SPRR2G: variants seen among roughly 807,000 people sequenced by gnomAD.
SPRR2G encodes the protein small proline rich protein 2G, also known as small proline-rich protein 2G.
A neutral mutation model predicts 0.7 loss-of-function variants in SPRR2G; 1 was observed. The observed-to-expected ratio is 1.49, with a 90% CI of 0.53 to 7.06. SPRR2G has a LOEUF of 7.06. Among genes scored for constraint, SPRR2G ranks in the 30% most tolerant of loss-of-function variants. The pLI, the probability that SPRR2G is intolerant of heterozygous loss-of-function variation, is 0.14. For missense variants in SPRR2G, 96 were observed against 88.5 expected (o/e 1.09, Z -0.34); for synonymous variants, 38 against 33.9 (o/e 1.12, Z -0.42).
the SPRR2G span, among the ~76,000 whole-genome samples, chr1:153,163,803 T>TC: frequency 6.6e-6 from 1 of 152,182 alleles, no homozygotes; most frequent in African/African-American, 2.4e-5. Context: ...AGTTAACATT[T>TC]CGACCTAGAT....
chr1:153,170,797 G>T, the SPRR2G span, among the ~76,000 whole-genome samples: 5 of 152,018 alleles, frequency 3.3e-5, no homozygotes, highest in African/African-American at 9.7e-5. Context: ...ACCTCCCCAC[G>T]GCTGCCCACC....
chr1:153,173,902 G>T, the SPRR2G span, among the ~76,000 whole-genome samples: 2 of 152,166 alleles, frequency 1.3e-5, no homozygotes, highest in South Asian at 2.1e-4. Flanking sequence ...AAATTTTACA[G>T]ATTCTTTCAC....
the SPRR2G span, among the ~76,000 whole-genome samples, chr1:153,156,193 C>T: frequency 6.6e-5 from 10 of 152,282 alleles, no homozygotes; most frequent in East Asian, 1.9e-4. Context: ...ACCTCTGTGA[C>T]TAGAAAAAAA....
chr1:153,194,572 T>C, the SPRR2G span, among the ~76,000 whole-genome samples: 3 of 152,242 alleles, frequency 2.0e-5, no homozygotes, highest in Non-Finnish European at 4.4e-5. Context: ...TTGAATTATG[T>C]GCAGGCTTGT....
chr1:153,183,819 C>T, the SPRR2G span, among the ~76,000 whole-genome samples: 3 of 152,106 alleles, frequency 2.0e-5, no homozygotes, highest in Admixed American at 2.0e-4. Flanking sequence ...AATGGTATTG[C>T]CTAGGTTTTC....
chr1:153,167,111 A>C, the SPRR2G span, among the ~76,000 whole-genome samples: 1 of 152,216 alleles, frequency 6.6e-6, no homozygotes, highest in African/African-American at 2.4e-5. Flanking sequence ...GGATCCTAAT[A>C]ACCTTGGCAT....
chr1:153,170,992 C>T, the SPRR2G span, among the ~76,000 whole-genome samples: 1 of 152,198 alleles, frequency 6.6e-6, no homozygotes, highest in African/African-American at 2.4e-5. Flanking sequence ...CCACGATCAG[C>T]TCATTCCACC....
the SPRR2G span, among the ~76,000 whole-genome samples, chr1:153,162,975 A>C: frequency 6.6e-6 from 1 of 152,192 alleles, no homozygotes; most frequent in Non-Finnish European, 1.5e-5. Flanking sequence ...GACAATAAAG[A>C]ATCTTCTGTC....
the SPRR2G span, among the ~76,000 whole-genome samples, chr1:153,159,810 T>C: frequency 2.0e-5 from 3 of 152,134 alleles, no homozygotes; most frequent in East Asian, 5.8e-4. Flanking sequence ...TTTTAAGCCA[T>C]TAGATCTCAT....
the SPRR2G span, chr1:153,176,508 T>C: frequency 4.6e-5 from 7 of 152,192 alleles, no homozygotes; most frequent in South Asian, 2.1e-4. Context: ...CCCAACAATT[T>C]TGATTCACTT....
chr1:153,173,323 T>C, the SPRR2G span, among the ~76,000 whole-genome samples: 3 of 152,134 alleles, frequency 2.0e-5, no homozygotes, highest in African/African-American at 4.8e-5. Context: ...TCAGAGCCTG[T>C]GGTTTGGACA....
the SPRR2G span, among the ~76,000 whole-genome samples, chr1:153,185,415 G>T: frequency 6.6e-6 from 1 of 151,664 alleles, no homozygotes; most frequent in African/African-American, 2.4e-5. Flanking sequence ...TCTACTCAGG[G>T]ATTCGACTTC....
the SPRR2G span, among the ~76,000 whole-genome samples, chr1:153,197,832 T>G: frequency 2.0e-5 from 3 of 152,298 alleles, no homozygotes; most frequent in South Asian, 6.2e-4. Context: ...ATACTCCAGT[T>G]AGAGAGAAAA....
At chr1:153,157,319 AGG>A in the SPRR2G span, among the ~76,000 whole-genome samples, 1 of 152,224 alleles carries the variant, frequency 6.6e-6, no homozygotes, top group African/African-American at 2.4e-5. Flanking sequence ...ACAAATTTAT[AGG>A]TGAAAGGATA....
At chr1:153,158,432 A>G in the SPRR2G span, among the ~76,000 whole-genome samples, 1 of 152,252 alleles carries the variant, frequency 6.6e-6, no homozygotes, top group Non-Finnish European at 1.5e-5. Context: ...TCTCACATCC[A>G]AGGCATGCTG....
At chr1:153,181,726 TC>T in the SPRR2G span, among the ~76,000 whole-genome samples, 1 of 152,018 alleles carries the variant, frequency 6.6e-6, no homozygotes, top group Non-Finnish European at 1.5e-5. Flanking sequence ...TCCAGTTTCA[TC>T]CATTTTGCTG....
the SPRR2G span, among the ~76,000 whole-genome samples, chr1:153,193,475 TGAG>T: frequency 6.6e-6 from 1 of 152,062 alleles, no homozygotes; most frequent in Non-Finnish European, 1.5e-5. Context: ...CATGCACACA[TGAG>T]GACACAGGCA....
At chr1:153,189,364 C>T in the SPRR2G span, among the ~76,000 whole-genome samples, 1 of 151,896 alleles carries the variant, frequency 6.6e-6, no homozygotes, top group Non-Finnish European at 1.5e-5. Flanking sequence ...TTTATAAATT[C>T]TTCTAAGTCA....
At chr1:153,192,771 G>T in the SPRR2G span, among the ~76,000 whole-genome samples, 1 of 152,174 alleles carries the variant, frequency 6.6e-6, no homozygotes, top group Admixed American at 6.5e-5. Flanking sequence ...ACAGCTTAAA[G>T]TCTTTTTGTT....
Sources: gnomAD v4.1 joint callset for allele counts (sites outside exome capture counted in the v4.1 genomes callset) on GRCh38, gnomAD v4.1.1 for gene constraint, MANE v1.5 for transcripts, NCBI Gene and HGNC (gene_info 2026-07-23, HGNC 2026-07-21) for gene names.